The following PDE11A variants were observed in gnomAD, a reference collection of about 807,000 sequenced individuals.
The protein encoded by PDE11A is phosphodiesterase 11A, also known as dual 3',5'-cyclic-AMP and -GMP phosphodiesterase 11A.
PDE11A carries 100 observed loss-of-function variants against 100.5 expected under a neutral mutation model. That is an observed-to-expected ratio of 1.00 (90% CI 0.85 to 1.18). PDE11A has a LOEUF of 1.18. Ranked by LOEUF, PDE11A falls within the 50% of genes most tolerant of loss-of-function variation. PDE11A has a pLI of 0.00. For synonymous variants in PDE11A, 381 were observed against 420.8 expected, an observed-to-expected ratio of 0.91 and a Z score of 1.16; for missense variants, 1,141 against 1,152.6, an observed-to-expected ratio of 0.99 and a Z score of 0.15.
chr2:177,796,489 T>C (rs190069345), intron 9 of PDE11A, among the ~76,000 whole-genome samples: 1 of 152,180 alleles, frequency 6.6e-6, no homozygotes, highest in Admixed American at 6.5e-5. Flanking sequence ...GAAATGTGCA[T>C]AATGTAGGGC....
At chr2:177,823,385 A>G (rs2083174753) in intron 6 of PDE11A, among the ~76,000 whole-genome samples, 1 of 152,334 alleles carries the variant, frequency 6.6e-6, no homozygotes, top group East Asian at 1.9e-4. Context: ...GGAGCAGCCC[A>G]AGACCCTTTA....
In PDE11A at chr2:177,629,328, G is replaced by T. The variant is rs2079880997; in HGVS notation, c.*79C>A. The T allele has an allele frequency of 3.1e-6, 4 of 1,279,698 alleles. No homozygotes were observed. Among genetic ancestry groups the T allele is most frequent in the Non-Finnish European group, 4.6e-6 (4 of 876,134 alleles). The allele number at this position is 1,279,698 out of a possible 1,614,324, so 79.3% of individuals were successfully genotyped here. A position where few individuals can be genotyped will look rare whatever the true frequency, so the allele number is the denominator to read the frequency against. ...GATGTTAGGTCTTTCTGAGCTAAAA[G>T]AACAAAAGGATGACATTGCTGGACT... is the stretch of plus-strand genomic sequence containing the variant. On this transcript the variant is annotated 3_prime_UTR_variant, in exon 20 of 20. Transcript: ENST00000286063.
At chr2:177,933,200 A>G (rs535969021) in intron 2 of PDE11A, among the ~76,000 whole-genome samples, 1 of 152,204 alleles carries the variant, frequency 6.6e-6, no homozygotes, top group South Asian at 2.1e-4. Flanking sequence ...ATGGAAAAAA[A>G]TTCCATGCTC....
intron 2 of PDE11A, among the ~76,000 whole-genome samples, chr2:177,960,926 C>T (rs751753823): frequency 3.3e-5 from 5 of 152,062 alleles, no homozygotes; most frequent in African/African-American, 4.8e-5. Flanking sequence ...GCAGAACCAC[C>T]GTCAGTGGTA....
At chr2:177,828,419 A>C (rs2083260037) in intron 6 of PDE11A, among the ~76,000 whole-genome samples, 1 of 152,226 alleles carries the variant, frequency 6.6e-6, no homozygotes, top group South Asian at 2.1e-4. Context: ...GTGAAAAACA[A>C]CAACAAAATC....
At position 177,877,671 on chromosome 2, in the gene PDE11A, G is replaced by A. The variant is rs1435912946; in HGVS notation, c.1303-1748C>T. ...TACTTGTGAGGAGGAACAAGAAAAGGTTAGAAAGTTCTTGGCTCTGAGGGG... is the reference window on the plus strand; with the variant it reads ...TACTTGTGAGGAGGAACAAGAAAAGATTAGAAAGTTCTTGGCTCTGAGGGG... On this transcript the variant is annotated intron_variant, in intron 4 of 19. Coordinates refer to ENST00000286063, the MANE Select transcript of PDE11A (RefSeq NM_016953.4). 2.0e-5 allele frequency among the ~76,000 whole-genome samples: 3 copies of A among 152,130 alleles called. No individual in the cohort carries two copies. In the South Asian group the frequency reaches 6.2e-4, roughly 32 times the overall value.
At chr2:178,010,392 T>C (rs2086261682) in intron 2 of PDE11A, among the ~76,000 whole-genome samples, 1 of 152,168 alleles carries the variant, frequency 6.6e-6, no homozygotes, top group Non-Finnish European at 1.5e-5. Flanking sequence ...GAAAACTAAT[T>C]TGAGTTTTAA....
chr2:177,964,309 C>T (rs1420375483), intron 2 of PDE11A, among the ~76,000 whole-genome samples: 2 of 152,082 alleles, frequency 1.3e-5, no homozygotes, highest in African/African-American at 2.4e-5. Flanking sequence ...ATCTATTTCT[C>T]CGAGTTAATC....
chr2:177,793,337 T>C (rs958121895), intron 9 of PDE11A, among the ~76,000 whole-genome samples: 5 of 152,116 alleles, frequency 3.3e-5, no homozygotes, highest in Non-Finnish European at 7.3e-5. Flanking sequence ...TTTTGTGGCA[T>C]TCATTCCCTT....
At chr2:177,718,161 C>G (rs569125291) in intron 12 of PDE11A, among the ~76,000 whole-genome samples, 1 of 152,328 alleles carries the variant, frequency 6.6e-6, no homozygotes, top group African/African-American at 2.4e-5. Context: ...GGGCATTTTC[C>G]TAAATACTTC....
chr2:177,727,720 C>G lies in PDE11A; in HGVS notation c.1981G>C (p.Val661Leu). Residue 661 changes from valine (V) to leucine (L), a missense_variant, in exon 12 of 20, where the codon GTT becomes CTT. Transcript: ENST00000286063. Reference sequence around the variant, plus strand: ...GCATGTCTCCAGTTGTGGTATAGAACCATCCGATAGTTTTTCCTCACTGTC... The same window carrying G: ...GCATGTCTCCAGTTGTGGTATAGAAGCATCCGATAGTTTTTCCTCACTGTC... ...LLTVRKNYRM[V>L]LYHNWRHAFN... 1 of 1,612,262 alleles carries G rather than the reference C, an allele frequency of 6.2e-7. No individual in the cohort carries two copies. The highest frequency in any genetic ancestry group is 8.5e-7 in the Non-Finnish European group (1 of 1,178,388).
At chr2:177,841,678 A>C (rs557375868) in intron 5 of PDE11A, among the ~76,000 whole-genome samples, 2 of 152,210 alleles carry the variant, frequency 1.3e-5, no homozygotes, top group Non-Finnish European at 2.9e-5. Context: ...GTGTCTGATA[A>C]ATTCAGCATG....
intron 14 of PDE11A, among the ~76,000 whole-genome samples, chr2:177,700,329 A>G (rs79835890): frequency 0.017 from 2,564 of 151,818 alleles, 65 homozygotes; most frequent in African/African-American, 0.059. Flanking sequence ...TAATGATGAT[A>G]ATAATAATAA....
chr2:177,900,652 G>C (rs2105730550), intron 3 of PDE11A, among the ~76,000 whole-genome samples: 1 of 152,262 alleles, frequency 6.6e-6, no homozygotes, highest in East Asian at 1.9e-4. Context: ...CAGCTACTCA[G>C]GAGGCTGAGG....
intron 18 of PDE11A, among the ~76,000 whole-genome samples, chr2:177,665,051 T>C (rs4341975): frequency 0.81 from 123,801 of 152,046 alleles, 51,116 homozygotes; most frequent in East Asian, 0.98. Flanking sequence ...CCACCAGGCT[T>C]TTCTCATCCT....
At chr2:177,944,487 T>G (rs2085380262) in intron 2 of PDE11A, among the ~76,000 whole-genome samples, 1 of 152,224 alleles carries the variant, frequency 6.6e-6, no homozygotes, top group Admixed American at 6.5e-5. Context: ...CTTGCTTATG[T>G]GAATTTACTT....
chr2:178,029,559 A>C (rs2086519035), intron 1 of PDE11A, among the ~76,000 whole-genome samples: 2 of 152,124 alleles, frequency 1.3e-5, no homozygotes, highest in Non-Finnish European at 1.5e-5. Context: ...AGGAAAAAAA[A>C]AATGTTCAAC....
intron 4 of PDE11A, among the ~76,000 whole-genome samples, chr2:177,890,365 C>T (rs988805207): frequency 1.3e-5 from 2 of 152,164 alleles, no homozygotes; most frequent in Non-Finnish European, 2.9e-5. Context: ...GAAACATCCC[C>T]GAGCCTGCCC....
intron 1 of PDE11A, among the ~76,000 whole-genome samples, chr2:178,028,152 T>A (rs1186025971): frequency 6.6e-6 from 1 of 152,092 alleles, no homozygotes; most frequent in Non-Finnish European, 1.5e-5. Flanking sequence ...TTCCCCACTA[T>A]AAGTCCCTGC....
Sources: gnomAD v4.1 joint callset for allele counts (sites outside exome capture counted in the v4.1 genomes callset) on GRCh38, gnomAD v4.1.1 for gene constraint, MANE v1.5 for transcripts, NCBI Gene and HGNC (gene_info 2026-07-23, HGNC 2026-07-21) for gene names.